GRIP1: variants seen among roughly 807,000 people sequenced by gnomAD.
The protein encoded by GRIP1 is glutamate receptor interacting protein 1, also known as glutamate receptor-interacting protein 1.
A neutral mutation model predicts 129.9 loss-of-function variants in GRIP1; 45 were observed. The ratio of observed to expected loss-of-function variants is 0.35; its 90% confidence interval spans 0.27 to 0.44. The LOEUF is 0.44. Ranked by LOEUF, GRIP1 falls within the 20% of genes least tolerant of loss-of-function variation. GRIP1 has a pLI of 1.00. For missense variants in GRIP1, 1,196 were observed against 1,396.8 expected (o/e 0.86, Z 2.29); for synonymous variants, 530 against 520.8 (o/e 1.02, Z -0.24).
chr12:66,632,509 C>T (rs1257877503), intron 1 of GRIP1, among the ~76,000 whole-genome samples: 1 of 152,132 alleles, frequency 6.6e-6, no homozygotes, highest in East Asian at 1.9e-4. Flanking sequence ...CCCATGCTTC[C>T]TTCCCCAAAA....
intron 1 of GRIP1, among the ~76,000 whole-genome samples, chr12:66,936,336 G>C (rs1272594410): frequency 6.6e-6 from 1 of 151,298 alleles, no homozygotes; most frequent in Non-Finnish European, 1.5e-5. Context: ...TGAGGCAGGA[G>C]GATCACTTGA....
chr12:66,930,948 A>G (rs1196232557), intron 1 of GRIP1, among the ~76,000 whole-genome samples: 1 of 152,184 alleles, frequency 6.6e-6, no homozygotes, highest in Non-Finnish European at 1.5e-5. Flanking sequence ...AGTCTAATTT[A>G]GAGTAGTTTA....
chr12:66,959,309 A>G (rs752789183), intron 1 of GRIP1, among the ~76,000 whole-genome samples: 8 of 152,056 alleles, frequency 5.3e-5, no homozygotes, highest in Non-Finnish European at 7.4e-5. Context: ...TTTTTGCTTA[A>G]GCCACATTTA....
Position 66,723,291 on chromosome 12 carries a change from TC to T in GRIP1, c.-420+80761del, listed in dbSNP as rs1565988018. Among the ~76,000 whole-genome samples the T allele has an allele frequency of 7.7e-4, 8 of 10,412 alleles. 1 individual carries two copies. Among genetic ancestry groups the T allele is most frequent in the Admixed American group, 1.7e-3 (1 of 588 alleles). The allele number at this position is 10,412 out of a possible 152,430, so 6.8% of individuals were successfully genotyped here. A position where few individuals can be genotyped will look rare whatever the true frequency, so the allele number is the denominator to read the frequency against. On this transcript the variant is annotated intron_variant, in intron 1 of 4. Coordinates refer to the GRIP1 transcript ENST00000538373. ...TCCTTCCTTCCTTCCTTCCTTTCTTTCTTTCTTTCTTTCTTTTTTTTTTTTT... is the reference window on the plus strand; with the variant it reads ...TCCTTCCTTCCTTCCTTCCTTTCTTTTTTCTTTCTTTCTTTTTTTTTTTTT...
At chr12:66,764,816 T>C (rs1006108107) in intron 1 of GRIP1, among the ~76,000 whole-genome samples, 1 of 152,194 alleles carries the variant, frequency 6.6e-6, no homozygotes, top group Admixed American at 6.5e-5. Context: ...GCCACTGCTG[T>C]GTTCTCCTAC....
intron 7 of GRIP1, among the ~76,000 whole-genome samples, chr12:66,482,455 C>CA (rs1297086699): frequency 6.6e-6 from 1 of 152,184 alleles, no homozygotes; most frequent in Non-Finnish European, 1.5e-5. Flanking sequence ...ATCCATGTGG[C>CA]AGTCACTTTC....
intron 5 of GRIP1, among the ~76,000 whole-genome samples, chr12:66,528,702 GAC>G (rs892764030): frequency 6.6e-6 from 1 of 152,086 alleles, no homozygotes; most frequent in Non-Finnish European, 1.5e-5. Context: ...AAAGACAAAA[GAC>G]ATGTTGAAAA....
At chr12:66,816,958 C>G (rs1316649562) in intron 1 of GRIP1, among the ~76,000 whole-genome samples, 3 of 152,068 alleles carry the variant, frequency 2.0e-5, no homozygotes, top group African/African-American at 7.2e-5. Context: ...GGCACTAGAT[C>G]TTCAAAACAA....
intron 4 of GRIP1, among the ~76,000 whole-genome samples, chr12:66,531,252 A>T (rs11176246): frequency 0.014 from 267 of 19,248 alleles, 2 homozygotes; most frequent in Middle Eastern, 0.038. Flanking sequence ...AAAAAAAAAA[A>T]ATATATATAT....
chr12:66,903,464 A>G (rs2040876957), intron 1 of GRIP1, among the ~76,000 whole-genome samples: 1 of 152,116 alleles, frequency 6.6e-6, no homozygotes, highest in South Asian at 2.1e-4. Flanking sequence ...CTCCTCACCT[A>G]CTTTTACAAT....
At chr12:66,638,629 T>C (rs568412434) in intron 1 of GRIP1, among the ~76,000 whole-genome samples, 21 of 152,360 alleles carry the variant, frequency 1.4e-4, no homozygotes, top group Admixed American at 2.6e-4. Flanking sequence ...ATATTCCTAC[T>C]AATTAGTTTT....
chr12:66,743,572 C>T (rs1180009007), intron 1 of GRIP1, among the ~76,000 whole-genome samples: 1 of 139,698 alleles, frequency 7.2e-6, no homozygotes, highest in Non-Finnish European at 1.6e-5. Flanking sequence ...TCAATGATGT[C>T]CATAACGTAA....
At chr12:66,960,429 A>G (rs1171148167) in intron 1 of GRIP1, among the ~76,000 whole-genome samples, 1 of 152,204 alleles carries the variant, frequency 6.6e-6, no homozygotes, top group East Asian at 1.9e-4. Flanking sequence ...ATTAAGACAT[A>G]GGAAACATCG....
intron 15 of GRIP1, among the ~76,000 whole-genome samples, chr12:66,419,209 A>G (rs375592007): frequency 2.6e-5 from 4 of 152,130 alleles, no homozygotes; most frequent in South Asian, 2.1e-4. Flanking sequence ...TACAAACATC[A>G]CATGTTCTCA....
chr12:66,918,588 A>C (rs1320802956), intron 1 of GRIP1, among the ~76,000 whole-genome samples: 1 of 152,128 alleles, frequency 6.6e-6, no homozygotes, highest in Admixed American at 6.5e-5. Flanking sequence ...AATTCCAAAG[A>C]TTTAGGACAT....
At chr12:66,872,834 T>G (rs1345438655) in intron 1 of GRIP1, among the ~76,000 whole-genome samples, 1 of 152,046 alleles carries the variant, frequency 6.6e-6, no homozygotes, top group Non-Finnish European at 1.5e-5. Context: ...ATCCCAAAAC[T>G]TAATAACAAT....
At chr12:66,773,296 A>T (rs1056660860) in intron 1 of GRIP1, among the ~76,000 whole-genome samples, 1 of 152,184 alleles carries the variant, frequency 6.6e-6, no homozygotes, top group African/African-American at 2.4e-5. Context: ...TAATAAACAT[A>T]CCTGTGCATG....
intron 1 of GRIP1, among the ~76,000 whole-genome samples, chr12:66,787,495 C>A (rs545153863): frequency 6.6e-6 from 1 of 152,228 alleles, no homozygotes; most frequent in African/African-American, 2.4e-5. Context: ...AATTCATATG[C>A]TGAAATCCTA....
intron 1 of GRIP1, among the ~76,000 whole-genome samples, chr12:66,779,954 A>G (rs1373383395): frequency 6.6e-6 from 1 of 152,216 alleles, no homozygotes; most frequent in Non-Finnish European, 1.5e-5. Flanking sequence ...GCCCTAAAGC[A>G]AAGTTAAAGA....
Sources: allele counts gnomAD v4.1 joint callset (sites outside exome capture counted in the v4.1 genomes callset), GRCh38; gene constraint gnomAD v4.1.1; transcripts MANE v1.5; gene names NCBI Gene and HGNC (gene_info 2026-07-23, HGNC 2026-07-21).